Variants in KSR2 observed in about 807,000 individuals in gnomAD.
The protein encoded by KSR2 is kinase suppressor of ras 2.
KSR2 carries 25 observed loss-of-function variants against 107.8 expected under a neutral mutation model. That is an observed-to-expected ratio of 0.23 (90% CI 0.17 to 0.32). The LOEUF is 0.32. Ranked by LOEUF, KSR2 falls within the 10% of genes least tolerant of loss-of-function variation. KSR2 has a pLI of 1.00. For synonymous variants in KSR2, 480 were observed against 507.0 expected (o/e 0.95, Z 0.71); for missense variants, 887 against 1,268.9 (o/e 0.70, Z 4.57).
At chr12:117,692,891 G>C (rs1000177333) in intron 4 of KSR2, among the ~76,000 whole-genome samples, 3 of 152,154 alleles carry the variant, frequency 2.0e-5, no homozygotes, top group Admixed American at 6.5e-5. Flanking sequence ...ATGGGGATAG[G>C]GGGAAGCTAG....
At chr12:117,894,656 A>G (rs1343212011) in intron 1 of KSR2, among the ~76,000 whole-genome samples, 2 of 151,516 alleles carry the variant, frequency 1.3e-5, no homozygotes, top group Non-Finnish European at 2.9e-5. Flanking sequence ...TGTTCTCACA[A>G]GACCTGGTTG....
chr12:117,613,762 T>A (rs1265212081), intron 5 of KSR2, among the ~76,000 whole-genome samples: 1 of 152,244 alleles, frequency 6.6e-6, no homozygotes, highest in Non-Finnish European at 1.5e-5. Context: ...GTGGATGAGC[T>A]GATGTATCTG....
rs11068503 is a variant in KSR2, at chr12:117,464,353, T to C, written c.*2846A>G. The C allele has an allele frequency of 0.42, 63,719 of 152,154 alleles. 13,663 individuals are homozygous for C. Among genetic ancestry groups the C allele is most frequent in the Non-Finnish European group, 0.46 (31,253 of 67,996 alleles). 9.4% of individuals were successfully genotyped at this position (152,154 alleles called of 1,614,324 possible). A position where few individuals can be genotyped will look rare whatever the true frequency, so the allele number is the denominator to read the frequency against. ...AACTCGCTGCTGAGTCAGTGACTTATGTGTACAGGGCACCTGTGTGCAGCT... is the reference window on the plus strand; with the variant it reads ...AACTCGCTGCTGAGTCAGTGACTTACGTGTACAGGGCACCTGTGTGCAGCT... On this transcript the variant is annotated 3_prime_UTR_variant, in exon 20 of 20. Coordinates refer to ENST00000339824, the MANE Select transcript of KSR2 (RefSeq NM_173598.6).
At chr12:117,855,856 C>T (rs572099873) in intron 2 of KSR2, among the ~76,000 whole-genome samples, 1 of 152,160 alleles carries the variant, frequency 6.6e-6, no homozygotes, top group South Asian at 2.1e-4. Context: ...ATAATTACTA[C>T]CCTGTCTGGC....
chr12:117,590,242 C>T (rs749131809), intron 5 of KSR2, among the ~76,000 whole-genome samples: 2 of 152,180 alleles, frequency 1.3e-5, no homozygotes, highest in Non-Finnish European at 1.5e-5. Context: ...AGAGACAAGA[C>T]CTTGAGTGTG....
chr12:117,814,312 G>A (rs1891296429), intron 3 of KSR2, among the ~76,000 whole-genome samples: 2 of 152,026 alleles, frequency 1.3e-5, no homozygotes, highest in Non-Finnish European at 2.9e-5. Context: ...TGATGAATAT[G>A]GTAATTACCC....
intron 1 of KSR2, among the ~76,000 whole-genome samples, chr12:117,933,736 G>T (rs987957464): frequency 1.3e-5 from 2 of 152,112 alleles, no homozygotes; most frequent in African/African-American, 2.4e-5. Flanking sequence ...GCCCTAAATT[G>T]CGGGGCCACA....
At chr12:117,906,729 A>G (rs1593358540) in intron 1 of KSR2, among the ~76,000 whole-genome samples, 1 of 152,098 alleles carries the variant, frequency 6.6e-6, no homozygotes, top group African/African-American at 2.4e-5. Context: ...GTGAGCATCA[A>G]ATCCCCTGGA....
At chr12:117,589,497 G>A (rs185464694) in intron 5 of KSR2, among the ~76,000 whole-genome samples, 18 of 152,294 alleles carry the variant, frequency 1.2e-4, no homozygotes, top group Admixed American at 1.0e-3. Context: ...TAAGCTTCCA[G>A]CCCAGGGACA....
intron 16 of KSR2, among the ~76,000 whole-genome samples, chr12:117,478,418 T>C (rs561815649): frequency 5.9e-5 from 9 of 151,882 alleles, no homozygotes; most frequent in African/African-American, 2.2e-4. Flanking sequence ...ACTAAACTTT[T>C]CATTTTTTTT....
intron 4 of KSR2, among the ~76,000 whole-genome samples, chr12:117,734,874 A>G (rs1296288863): frequency 1.3e-5 from 2 of 152,182 alleles, no homozygotes; most frequent in Non-Finnish European, 2.9e-5. Flanking sequence ...TTGGCCCCCA[A>G]TTCAGTAGAG....
intron 6 of KSR2, among the ~76,000 whole-genome samples, chr12:117,582,073 T>C (rs1426541625): frequency 6.6e-6 from 1 of 152,216 alleles, no homozygotes; most frequent in Non-Finnish European, 1.5e-5. Flanking sequence ...TTAACTGCTA[T>C]GTGCTAATTT....
At chr12:117,868,437 T>A (rs574712941) in intron 1 of KSR2, among the ~76,000 whole-genome samples, 5 of 147,692 alleles carry the variant, frequency 3.4e-5, no homozygotes, top group Admixed American at 6.8e-5. Flanking sequence ...AAAAAAAAAA[T>A]TAAAAAGAAA....
chr12:117,723,223 C>A (rs189397347), intron 4 of KSR2, among the ~76,000 whole-genome samples: 3 of 152,232 alleles, frequency 2.0e-5, no homozygotes, highest in Non-Finnish European at 4.4e-5. Context: ...CTCTTCCAGC[C>A]AAAAGTGAAT....
At chr12:117,906,328 G>C (rs1894843168) in intron 1 of KSR2, among the ~76,000 whole-genome samples, 1 of 148,230 alleles carries the variant, frequency 6.7e-6, no homozygotes, top group Admixed American at 6.8e-5. Context: ...ACTCCAGCCT[G>C]GGTGACAAGA....
At chr12:117,536,110 A>G (rs11610896) in intron 10 of KSR2, among the ~76,000 whole-genome samples, 55,264 of 151,956 alleles carry the variant, frequency 0.36, 10,208 homozygotes, top group South Asian at 0.43. Flanking sequence ...GAGATTAACA[A>G]ATGAGTTAAA....
intron 1 of KSR2, 47 bp downstream of exon 1, chr12:117,968,029 C>CTTTT (rs34834989): frequency 1.8e-5 from 12 of 678,918 alleles, no homozygotes; most frequent in South Asian, 8.7e-5. Flanking sequence ...AGAAGGATTG[C>CTTTT]TTTTTTTTTT....
intron 3 of KSR2, among the ~76,000 whole-genome samples, chr12:117,841,286 C>T (rs1312510315): frequency 6.6e-6 from 1 of 152,178 alleles, no homozygotes; most frequent in African/African-American, 2.4e-5. Context: ...CTGCCTTCCC[C>T]CTGCATGTTC....
chr12:117,599,851 G>A (rs76206998), intron 5 of KSR2, among the ~76,000 whole-genome samples: 8,034 of 152,230 alleles, frequency 0.053, 420 homozygotes, highest in East Asian at 0.15. Flanking sequence ...TGGGTTGAAC[G>A]GTGACCATGG....
Sources: allele counts gnomAD v4.1 joint callset (sites outside exome capture counted in the v4.1 genomes callset), GRCh38; gene constraint gnomAD v4.1.1; transcripts MANE v1.5; gene names NCBI Gene and HGNC (gene_info 2026-07-23, HGNC 2026-07-21).